FBXO38: variants seen among roughly 807,000 people sequenced by gnomAD.
The protein encoded by FBXO38 is F-box only protein 38.
Under a neutral mutation model 131.9 loss-of-function variants are expected in FBXO38, and 53 were observed. That is an observed-to-expected ratio of 0.40 (90% CI 0.32 to 0.51). The LOEUF is 0.51. FBXO38 is among the 20% of genes least tolerant of loss of function. FBXO38 has a pLI of 0.53. For missense variants in FBXO38, 1,076 were observed against 1,475.6 expected, an observed-to-expected ratio of 0.73 and a Z score of 4.44; for synonymous variants, 452 against 505.6, an observed-to-expected ratio of 0.89 and a Z score of 1.42.
At chr5:148,432,447 T>G (rs1754087901) in intron 15 of FBXO38, among the ~76,000 whole-genome samples, 1 of 152,236 alleles carries the variant, frequency 6.6e-6, no homozygotes, top group East Asian at 1.9e-4. Flanking sequence ...GTGCTAGATT[T>G]CCTGGGTTTG....
rs1752907997 is a variant in FBXO38, at chr5:148,413,886, T to C, written c.1094-250T>C. The C allele has an allele frequency of 1.2e-5, 4 of 339,346 alleles. No individual in the cohort carries two copies. The Admixed American group carries it at 1.4e-4, about 12-fold the overall frequency. 21.0% of individuals were successfully genotyped at this position (339,346 alleles called of 1,614,324 possible). A position where few individuals can be genotyped will look rare whatever the true frequency, so the allele number is the denominator to read the frequency against. ...AAGAATTTTTGCCTTTTCTCTTCTC[T>C]AAACAATTGGAAATAATTTTTCCTA... On this transcript the variant is annotated intron_variant, in intron 9 of 21. Coordinates refer to ENST00000340253, the MANE Select transcript of FBXO38 (RefSeq NM_205836.3).
chr5:148,403,110 T>C (rs1187748343), intron 5 of FBXO38, among the ~76,000 whole-genome samples: 2 of 152,102 alleles, frequency 1.3e-5, no homozygotes, highest in Non-Finnish European at 2.9e-5. Context: ...GGGAGTGATA[T>C]CTAGTTTGAA....
intron 7 of FBXO38, 89 bp from the exon 8 acceptor site, chr5:148,409,035 A>G (rs1752591342): frequency 1.5e-6 from 1 of 678,696 alleles, no homozygotes; most frequent in Non-Finnish European, 2.6e-6. Flanking sequence ...AGTAATTATC[A>G]TCTCAGATAA....
intron 6 of FBXO38, among the ~76,000 whole-genome samples, 169 bp downstream of exon 6, chr5:148,404,991 A>G (rs1428309400): frequency 6.6e-6 from 1 of 151,824 alleles, no homozygotes; most frequent in Non-Finnish European, 1.5e-5. Flanking sequence ...AAGACATTAG[A>G]AAGATGATTT....
Position 148,393,190 on chromosome 5 carries a change from T to G in FBXO38, c.-63-1524T>G, listed in dbSNP as rs73795096. On this transcript the variant is annotated intron_variant, in intron 1 of 21. Coordinates refer to ENST00000340253, the MANE Select transcript of FBXO38 (RefSeq NM_205836.3). ...CTGGTTAGAAACAACAGAAGAGGGG[T>G]GTGTGTGTGTGTGTGTGTGTGTGTG... 1.5e-3 allele frequency among the ~76,000 whole-genome samples: 143 copies of G among 95,526 alleles called. 1 individual carries two copies. Among genetic ancestry groups the G allele is most frequent in the East Asian group, 4.1e-3 (10 of 2,456 alleles). The allele number at this position is 95,526 out of a possible 152,430, so 62.7% of individuals were successfully genotyped here. A position where few individuals can be genotyped will look rare whatever the true frequency, so the allele number is the denominator to read the frequency against.
intron 3 of FBXO38, among the ~76,000 whole-genome samples, chr5:148,400,185 G>A (rs1406405380): frequency 4.6e-5 from 7 of 151,914 alleles, no homozygotes; most frequent in East Asian, 1.9e-4. Context: ...GGCAAACCAC[G>A]GTTACTTTCA....
intron 1 of FBXO38, among the ~76,000 whole-genome samples, chr5:148,393,012 T>C (rs188501427): frequency 6.6e-6 from 1 of 152,198 alleles, no homozygotes; most frequent in African/African-American, 2.4e-5. Flanking sequence ...GTTCTGAGTA[T>C]GAACTTTATT....
chr5:148,399,292 A>G, intron 3 of FBXO38, 160 bp downstream of exon 3: 2 of 749,396 alleles, frequency 2.7e-6, no homozygotes, highest in South Asian at 3.8e-5. Flanking sequence ...TTAGGTTGTA[A>G]AATGCGTTTT....
rs1044917671 is a variant in FBXO38, at chr5:148,440,465, G to A, written c.3212G>A (p.Ser1071Asn). 1 of 1,612,912 alleles carries A rather than the reference G, an allele frequency of 6.2e-7. No homozygotes were observed. Among genetic ancestry groups the A allele is most frequent in the Non-Finnish European group, 8.5e-7 (1 of 1,179,092 alleles). Residue 1071 changes from serine to asparagine, a missense_variant, in exon 20 of 22, where the codon AGT becomes AAT. Ser to Asn is a conservative substitution (Grantham distance 46, BLOSUM62 1). Coordinates refer to ENST00000340253, the MANE Select transcript of FBXO38 (RefSeq NM_205836.3). ...GAATTCTTCCCTGAAGCCACTCGAA[G>A]TGAAGAAGACTTAAAGAAATACCCC... Reference protein sequence around the residue: ...KYEFFPEATRSEEDLKKYPKY... With the variant: ...KYEFFPEATRNEEDLKKYPKY...
At chr5:148,419,724 A>G (rs1753292236) in intron 12 of FBXO38, among the ~76,000 whole-genome samples, 2 of 152,134 alleles carry the variant, frequency 1.3e-5, no homozygotes, top group African/African-American at 4.8e-5. Context: ...CCTGGGTGAC[A>G]GAGGGAGACC....
intron 11 of FBXO38, among the ~76,000 whole-genome samples, 176 bp downstream of exon 11, chr5:148,416,246 C>G (rs961578657): frequency 3.3e-5 from 5 of 150,856 alleles, no homozygotes; most frequent in Admixed American, 2.7e-4. Context: ...GCCTCTCATT[C>G]TTCTAAATGA....
chr5:148,427,245 A>C lies in FBXO38; in HGVS notation c.1951A>C (p.Arg651=), dbSNP rs1353673332. 1 of 1,607,656 alleles carries C rather than the reference A, an allele frequency of 6.2e-7. No homozygotes were observed. Among genetic ancestry groups the C allele is most frequent in the Non-Finnish European group, 8.5e-7 (1 of 1,177,130 alleles). The change falls in exon 15 of 22, where the codon AGG becomes CGG. Residue 651 remains arginine (R), a synonymous_variant. Coordinates refer to ENST00000340253, the MANE Select transcript of FBXO38 (RefSeq NM_205836.3). ...AAAAGGCAAGACTCCACTTCGAAAG[A>C]GGTACAACTCCCATCAGATGGGCCA... The part of the protein sequence containing the change: ...SGKGKTPLRK[R]YNSHQMGQSK...
rs958423925 is a variant in FBXO38, at chr5:148,410,841, G to A, written c.1093+76G>A. The stretch of plus-strand genomic sequence containing the variant: ...GACAAACTGAAATCTGAATTGGGTT[G>A]TGCCATGTCTTTTTGAACATAAGAC... On this transcript the variant is annotated intron_variant, in intron 9 of 21. Transcript: ENST00000340253. 2.5e-5 allele frequency: 34 copies of A among 1,385,434 alleles called. No homozygotes were observed. In the South Asian group the frequency reaches 4.5e-4, roughly 18 times the overall value. 85.8% of individuals were successfully genotyped at this position (1,385,434 alleles called of 1,614,324 possible). A position where few individuals can be genotyped will look rare whatever the true frequency, so the allele number is the denominator to read the frequency against.
At chr5:148,435,147 C>T (rs1200277422) in intron 17 of FBXO38, 2 of 152,098 alleles carry the variant, frequency 1.3e-5, no homozygotes, top group African/African-American at 2.4e-5. Context: ...CTAACAATCA[C>T]CTGAACCTTT....
chr5:148,411,636 G>T (rs10060623), intron 9 of FBXO38, among the ~76,000 whole-genome samples: 1 of 151,568 alleles, frequency 6.6e-6, no homozygotes, highest in South Asian at 2.1e-4. Context: ...TTTTTTGTTT[G>T]TTTACTTTTT....
chr5:148,402,301 GCTAAA>G (rs1752202354), intron 4 of FBXO38, 42 bp from the exon 5 acceptor site: 2 of 1,568,810 alleles, frequency 1.3e-6, no homozygotes, highest in African/African-American at 1.4e-5. Flanking sequence ...AGCTTTGGAT[GCTAAA>G]CTAAAGTCTT....
At chr5:148,390,719 A>C (rs1030897790) in intron 1 of FBXO38, among the ~76,000 whole-genome samples, 7 of 152,188 alleles carry the variant, frequency 4.6e-5, no homozygotes, top group Admixed American at 2.6e-4. Flanking sequence ...TTATAAACTC[A>C]ATGATATTTA....
intron 12 of FBXO38, among the ~76,000 whole-genome samples, chr5:148,422,205 C>A (rs926345232): frequency 5.3e-5 from 8 of 152,150 alleles, no homozygotes; most frequent in Non-Finnish European, 7.3e-5. Context: ...TTCCCATTGC[C>A]TTAGAATAAG....
In FBXO38 at chr5:148,416,134, A is replaced by ATT. The variant is rs376168098; in HGVS notation, c.1407+78_1407+79dup. ...GGAAAGAAAATAAAAACAGCCTGTGATTTTTTTTTTTTTTTCTTTTCAATG... is the reference window on the plus strand; with the variant it reads ...GGAAAGAAAATAAAAACAGCCTGTGATTTTTTTTTTTTTTTTTCTTTTCAATG... On this transcript the variant is annotated intron_variant, in intron 11 of 21. Coordinates refer to ENST00000340253, the MANE Select transcript of FBXO38 (RefSeq NM_205836.3). The ATT allele has an allele frequency of 0.015, 17,172 of 1,183,040 alleles. 164 individuals carry two copies. The highest frequency in any genetic ancestry group is 0.083 in the African/African-American group (5,124 of 61,718). The allele number at this position is 1,183,040 out of a possible 1,614,324, so 73.3% of individuals were successfully genotyped here.
Sources: allele counts gnomAD v4.1 joint callset (sites outside exome capture counted in the v4.1 genomes callset), GRCh38; gene constraint gnomAD v4.1.1; transcripts MANE v1.5; gene names NCBI Gene and HGNC (gene_info 2026-07-23, HGNC 2026-07-21).